GMDS: variants seen among roughly 807,000 people sequenced by gnomAD.
GMDS encodes GDP-mannose 4,6 dehydratase.
In GMDS, 20 loss-of-function variants were observed where a neutral mutation model predicts 49.9. The observed-to-expected ratio is 0.40, with a 90% CI of 0.28 to 0.58. The LOEUF is 0.58. Ranked by LOEUF, GMDS falls within the 20% of genes least tolerant of loss-of-function variation. The pLI is 0.42. For missense variants in GMDS, 362 were observed against 481.4 expected (o/e 0.75, Z 2.32); for synonymous variants, 177 against 178.6 (o/e 0.99, Z 0.07).
intron 7 of GMDS, among the ~76,000 whole-genome samples, chr6:1,921,213 C>A (rs1390639573): frequency 6.6e-6 from 1 of 152,188 alleles, no homozygotes; most frequent in African/African-American, 2.4e-5. Flanking sequence ...TGGCCAATAA[C>A]TGCTTTTCTG....
chr6:1,993,452 A>G lies in GMDS; in HGVS notation c.346-32486T>C, dbSNP rs1766078703. ...ATTATTCCACATGTGTATGGACAAC[A>G]CCTCTGCAGAGGGCCTGGCAGCTGC... On this transcript the variant is annotated intron_variant, in intron 4 of 10. Transcript: ENST00000380815. Among the ~76,000 whole-genome samples the G allele has an allele frequency of 1.3e-5, 2 of 152,028 alleles. 1 individual carries two copies. The highest frequency in any genetic ancestry group is 4.2e-4 in the South Asian group (2 of 4,808).
intron 7 of GMDS, among the ~76,000 whole-genome samples, chr6:1,746,703 T>G: frequency 6.6e-6 from 1 of 151,982 alleles, no homozygotes; most frequent in Non-Finnish European, 1.5e-5. Flanking sequence ...ATTTATTTAT[T>G]TATTTATTTA....
intron 4 of GMDS, among the ~76,000 whole-genome samples, chr6:2,069,916 G>C (rs1771877038): frequency 1.3e-5 from 2 of 152,028 alleles, no homozygotes; most frequent in African/African-American, 4.8e-5. Context: ...TCCCATTACT[G>C]GGTATATACC....
chr6:1,702,179 G>A (rs1189793240), intron 9 of GMDS, among the ~76,000 whole-genome samples: 2 of 152,250 alleles, frequency 1.3e-5, no homozygotes, highest in Non-Finnish European at 2.9e-5. Context: ...GACAGCAGTA[G>A]CTGGACTCCG....
chr6:2,052,770 A>G (rs1456865863), intron 4 of GMDS, among the ~76,000 whole-genome samples: 1 of 152,220 alleles, frequency 6.6e-6, no homozygotes, highest in Non-Finnish European at 1.5e-5. Context: ...TAATACCATC[A>G]TGGGGAAAAA....
At chr6:1,724,691 G>A (rs933375388) in intron 9 of GMDS, among the ~76,000 whole-genome samples, 4 of 152,136 alleles carry the variant, frequency 2.6e-5, no homozygotes, top group Non-Finnish European at 4.4e-5. Context: ...CATCTCTGTC[G>A]CACCTCATCA....
chr6:1,950,180 A>G (rs377458191), intron 6 of GMDS, among the ~76,000 whole-genome samples: 1 of 152,236 alleles, frequency 6.6e-6, no homozygotes, highest in East Asian at 1.9e-4. Flanking sequence ...GCATTATATT[A>G]TTCCCTAAAG....
chr6:2,150,318 G>A (rs1776781896), intron 1 of GMDS, among the ~76,000 whole-genome samples: 1 of 152,104 alleles, frequency 6.6e-6, no homozygotes, highest in South Asian at 2.1e-4. Flanking sequence ...GGGAGGCTGA[G>A]GTGGGACCAT....
chr6:2,242,898 C>A (rs1033648611), intron 1 of GMDS, among the ~76,000 whole-genome samples: 10 of 152,212 alleles, frequency 6.6e-5, no homozygotes, highest in African/African-American at 2.4e-4. Flanking sequence ...TATGGATTTT[C>A]AGACCCCTTG....
intron 9 of GMDS, among the ~76,000 whole-genome samples, chr6:1,685,206 G>A (rs1764933090): frequency 1.3e-5 from 1 of 79,930 alleles, no homozygotes; most frequent in African/African-American, 4.9e-5. Context: ...AGATCAGCCT[G>A]GTCAACATGG....
intron 7 of GMDS, among the ~76,000 whole-genome samples, chr6:1,851,759 G>C (rs1354131316): frequency 6.6e-6 from 1 of 152,226 alleles, no homozygotes; most frequent in Non-Finnish European, 1.5e-5. Flanking sequence ...CTGGAGTTCA[G>C]AATTGCCCAC....
intron 8 of GMDS, among the ~76,000 whole-genome samples, chr6:1,741,274 G>C (rs930989177): frequency 6.6e-6 from 1 of 152,110 alleles, no homozygotes; most frequent in Admixed American, 6.5e-5. Context: ...CAGAATACCA[G>C]AACTTATTTC....
chr6:2,093,835 T>G (rs1380141195), intron 4 of GMDS, among the ~76,000 whole-genome samples: 2 of 152,230 alleles, frequency 1.3e-5, no homozygotes, highest in African/African-American at 4.8e-5. Flanking sequence ...TAACTTTTTT[T>G]GGTTTTCCAA....
At chr6:1,989,088 C>T (rs1765758228) in intron 4 of GMDS, among the ~76,000 whole-genome samples, 2 of 152,178 alleles carry the variant, frequency 1.3e-5, no homozygotes, top group Non-Finnish European at 2.9e-5. Flanking sequence ...AACGTTGACA[C>T]AAGTTTATTC....
intron 7 of GMDS, among the ~76,000 whole-genome samples, chr6:1,899,154 TG>T (rs1286989750): frequency 6.6e-6 from 1 of 152,218 alleles, no homozygotes; most frequent in Non-Finnish European, 1.5e-5. Flanking sequence ...CCCGTCTGTC[TG>T]GGGAGCTGGT....
intron 9 of GMDS, among the ~76,000 whole-genome samples, chr6:1,685,646 C>A (rs1764950453): frequency 6.6e-6 from 1 of 152,098 alleles, no homozygotes; most frequent in South Asian, 2.1e-4. Context: ...GGGTGTCCAT[C>A]CTCCCCCACC....
At chr6:1,798,787 G>A (rs935561232) in intron 7 of GMDS, among the ~76,000 whole-genome samples, 6 of 152,158 alleles carry the variant, frequency 3.9e-5, no homozygotes, top group African/African-American at 1.4e-4. Context: ...TTTTGGCATC[G>A]CATACTGTTG....
At chr6:1,935,184 C>A (rs1386664721) in intron 6 of GMDS, among the ~76,000 whole-genome samples, 5 of 152,074 alleles carry the variant, frequency 3.3e-5, no homozygotes, top group Non-Finnish European at 7.4e-5. Context: ...TGTTAGTAAC[C>A]AGCTGTGATA....
chr6:1,968,580 A>G (rs1177156491), intron 4 of GMDS, among the ~76,000 whole-genome samples: 2 of 152,112 alleles, frequency 1.3e-5, no homozygotes, highest in African/African-American at 4.8e-5. Flanking sequence ...ATAATGGACT[A>G]GCTCTCTTCC....
Sources: gnomAD v4.1 joint callset for allele counts (sites outside exome capture counted in the v4.1 genomes callset) on GRCh38, gnomAD v4.1.1 for gene constraint, MANE v1.5 for transcripts, NCBI Gene and HGNC (gene_info 2026-07-23, HGNC 2026-07-21) for gene names.